The following ZFYVE21 variants were observed in gnomAD, a reference collection of about 807,000 sequenced individuals.
The protein encoded by ZFYVE21 is zinc finger FYVE-type containing 21.
In ZFYVE21, 21 loss-of-function variants were observed where a neutral mutation model predicts 29.5. The ratio of observed to expected loss-of-function variants is 0.71; its 90% confidence interval spans 0.50 to 1.02. The LOEUF is 1.02. Ranked by LOEUF, ZFYVE21 falls within the 50% of genes least tolerant of loss-of-function variation. ZFYVE21 has a pLI of 0.00. For synonymous variants in ZFYVE21, 151 were observed against 133.8 expected (o/e 1.13, Z -0.89); for missense variants, 326 against 335.4 (o/e 0.97, Z 0.22).
Position 103,716,302 on chromosome 14 carries a change from C to T in ZFYVE21, c.138+323C>T, listed in dbSNP as rs1418192866. ...GGGGTGGGTGCGGCCCTGCCCGAGGCCGGTTCGTGCTGGGCTAGCGCGTGT... is the reference window on the plus strand; with the variant it reads ...GGGGTGGGTGCGGCCCTGCCCGAGGTCGGTTCGTGCTGGGCTAGCGCGTGT... On this transcript the variant is annotated intron_variant, in intron 1 of 6. Transcript: ENST00000311141. The surrounding 1 kb of genome is among the most constrained non-coding windows in gnomAD (Gnocchi z 4.8). Among the ~76,000 whole-genome samples the T allele has an allele frequency of 1.3e-5, 2 of 152,156 alleles. No individual in the cohort carries two copies. Among genetic ancestry groups the T allele is most frequent in the African/African-American group, 4.8e-5 (2 of 41,452 alleles).
At chr14:103,722,880 G>A (rs2083885557) in intron 1 of ZFYVE21, among the ~76,000 whole-genome samples, 2 of 151,998 alleles carry the variant, frequency 1.3e-5, no homozygotes, top group Non-Finnish European at 2.9e-5. Flanking sequence ...AAACTCTTGG[G>A]CTCAAGTGAT....
intron 1 of ZFYVE21, among the ~76,000 whole-genome samples, chr14:103,717,012 C>T (rs369474369): frequency 6.6e-6 from 1 of 152,214 alleles, no homozygotes. Flanking sequence ...GACGTTGGAA[C>T]TAGGTTCAAG....
intron 4 of ZFYVE21, 44 bp from the exon 5 acceptor site, chr14:103,729,043 GCACT>G (rs1209395788): frequency 8.1e-6 from 13 of 1,613,250 alleles, no homozygotes; most frequent in Non-Finnish European, 1.1e-5. Flanking sequence ...AGCCTCGGTG[GCACT>G]GAGCCTGAGA....
chr14:103,727,591 C>T (rs1421653749), intron 2 of ZFYVE21, 155 bp from the exon 3 acceptor site: 2 of 944,020 alleles, frequency 2.1e-6, no homozygotes, highest in African/African-American at 3.3e-5. Context: ...GGTGGGGAGC[C>T]CAGGGGCTGG....
chr14:103,721,438 G>A (rs1326748949), intron 1 of ZFYVE21, among the ~76,000 whole-genome samples: 1 of 152,240 alleles, frequency 6.6e-6, no homozygotes, highest in African/African-American at 2.4e-5. Flanking sequence ...CCTGTGATTG[G>A]CCCTGCAAGG....
At position 103,716,345 on chromosome 14, in the gene ZFYVE21, C is replaced by T. The variant is rs1439195366; in HGVS notation, c.138+366C>T. ...GCGCGTGTGGACTGCGTCCCGAGAG[C>T]TGGGGCTCGCTCCCGAGAAAGTGGA... On this transcript the variant is annotated intron_variant, in intron 1 of 6. Coordinates refer to ENST00000311141, the MANE Select transcript of ZFYVE21 (RefSeq NM_024071.4). This position sits in a 1 kb window ranked among gnomAD's most constrained non-coding sequence, Gnocchi z 4.8. Among the ~76,000 whole-genome samples the T allele has an allele frequency of 6.6e-6, 1 of 152,172 alleles. No individual in the cohort carries two copies. The highest frequency in any genetic ancestry group is 2.4e-5 in the African/African-American group (1 of 41,458).
intron 2 of ZFYVE21, chr14:103,727,356 A>ACCTGCCCCCCCCCCCC: frequency 2.7e-6 from 1 of 376,692 alleles, no homozygotes; most frequent in South Asian, 2.0e-5. Flanking sequence ...CTGTGCACCC[A>ACCTGCCCCCCCCCCCC]CCTGCCCCCC....
At chr14:103,728,238 G>A (rs2083946691) in intron 3 of ZFYVE21, 2 of 308,052 alleles carry the variant, frequency 6.5e-6, no homozygotes, top group Admixed American at 9.6e-5. Context: ...TGCAACCACT[G>A]TGGCTCCTCG....
At chr14:103,729,942 G>C in intron 5 of ZFYVE21, 1 of 1,370,312 alleles carries the variant, frequency 7.3e-7, no homozygotes, top group Non-Finnish European at 9.8e-7. Flanking sequence ...TCCATGCCAA[G>C]GTTCTTTGTG....
In ZFYVE21 at chr14:103,733,242, C is replaced by T; in HGVS notation, c.*224C>T. 1 of 591,422 alleles carries T rather than the reference C, an allele frequency of 1.7e-6. No individual in the cohort carries two copies. Among genetic ancestry groups the T allele is most frequent in the Non-Finnish European group, 2.9e-6 (1 of 341,284 alleles). 36.6% of individuals were successfully genotyped at this position (591,422 alleles called of 1,614,324 possible). On this transcript the variant is annotated 3_prime_UTR_variant, in exon 7 of 7. Coordinates refer to ENST00000311141, the MANE Select transcript of ZFYVE21 (RefSeq NM_024071.4). ...TCATGTTTTAGAATTTGTGTATTGTCAATACTTAATTGGGGGTGGGAGAGA... is the reference window on the plus strand; with the variant it reads ...TCATGTTTTAGAATTTGTGTATTGTTAATACTTAATTGGGGGTGGGAGAGA...
chr14:103,728,126 G>C, intron 3 of ZFYVE21: 1 of 529,708 alleles, frequency 1.9e-6, no homozygotes, highest in South Asian at 2.6e-5. Flanking sequence ...TGTTGGTGCT[G>C]ACTCCGCTGG....
In ZFYVE21 at chr14:103,732,741, G is replaced by GT; in HGVS notation, c.649dup (p.Trp217LeufsTer14). ...CTGTGGGCAGGAGGCAGGCGGTGGC[G>GT]TGGCTAGTGGCCATGCACAAGGTAC... is the stretch of plus-strand genomic sequence containing the variant. On this transcript the variant is annotated frameshift_variant, in exon 6 of 7. Coordinates refer to ENST00000311141, the MANE Select transcript of ZFYVE21 (RefSeq NM_024071.4). LOFTEE classifies it high-confidence loss of function. 1 of 1,612,572 alleles carries GT rather than the reference G, an allele frequency of 6.2e-7. No individual in the cohort carries two copies. The highest frequency in any genetic ancestry group is 8.5e-7 in the Non-Finnish European group (1 of 1,179,534).
chr14:103,727,135 G>T, intron 2 of ZFYVE21: 1 of 377,606 alleles, frequency 2.6e-6, no homozygotes, highest in South Asian at 2.4e-5. Flanking sequence ...TAGTAGAGAT[G>T]GGGTTTCACC....
chr14:103,721,963 TCA>T (rs955234427), intron 1 of ZFYVE21, among the ~76,000 whole-genome samples: 6 of 152,218 alleles, frequency 3.9e-5, no homozygotes, highest in African/African-American at 1.4e-4. Flanking sequence ...AACGGATGAA[TCA>T]CACTTGGTTT....
intron 1 of ZFYVE21, chr14:103,725,930 T>G (rs1354262773): frequency 6.6e-6 from 1 of 152,356 alleles, no homozygotes; most frequent in Non-Finnish European, 1.5e-5. Flanking sequence ...AGTTCCCAGG[T>G]CTTGTGCTGT....
rs1198653968 is a variant in ZFYVE21 at position 103,715,884 on chromosome 14, G to T, written c.43G>T (p.Val15Leu). 1 of 1,436,758 alleles carries T rather than the reference G, an allele frequency of 7.0e-7. No individual in the cohort carries two copies. Among genetic ancestry groups the T allele is most frequent in the South Asian group, 1.3e-5 (1 of 76,160 alleles). The allele number at this position is 1,436,758 out of a possible 1,614,324, so 89.0% of individuals were successfully genotyped here. A position where few individuals can be genotyped will look rare whatever the true frequency, so the allele number is the denominator to read the frequency against. ...CGCGCGCCGCGACGCCAAGAAGCTG[G>T]TGCGCTCCCCGAGCGGCCTGCGCAT... The part of the protein sequence containing the change: ...VSARRDAKKL[V>L]RSPSGLRMVP... Residue 15 changes from valine to leucine, a missense_variant, in exon 1 of 7, where the codon GTG becomes TTG. Val to Leu is a conservative substitution (Grantham distance 32). Coordinates refer to ENST00000311141, the MANE Select transcript of ZFYVE21 (RefSeq NM_024071.4).
rs144586627 is a variant in ZFYVE21, at chr14:103,718,599, AGAT to A, written c.138+2624_138+2626del. ...GCTTTGGGGGTGTGAAGGAAGCTTC[AGAT>A]GATCTCTGGGGCTTGTCTGACTCTG... On this transcript the variant is annotated intron_variant, in intron 1 of 6. Transcript: ENST00000311141. Among the ~76,000 whole-genome samples, 365 of 152,316 alleles carry A rather than the reference AGAT, an allele frequency of 2.4e-3. 2 individuals are homozygous for A. The highest frequency in any genetic ancestry group is 8.4e-3 in the African/African-American group (350 of 41,568).
intron 1 of ZFYVE21, among the ~76,000 whole-genome samples, chr14:103,719,291 A>G (rs550664963): frequency 2.2e-4 from 34 of 152,066 alleles, no homozygotes; most frequent in South Asian, 6.2e-4. Flanking sequence ...ATAAATAAAT[A>G]AATAATAAAA....
intron 1 of ZFYVE21, among the ~76,000 whole-genome samples, chr14:103,722,687 C>T (rs536310691): frequency 1.3e-5 from 2 of 151,952 alleles, no homozygotes; most frequent in South Asian, 4.2e-4. Flanking sequence ...GGCGTGGTGG[C>T]GGGCACCTGT....
Sources: allele counts gnomAD v4.1 joint callset (sites outside exome capture counted in the v4.1 genomes callset), GRCh38; gene constraint gnomAD v4.1.1; non-coding constraint Gnocchi (gnomAD v3.1); transcripts MANE v1.5; gene names NCBI Gene and HGNC (gene_info 2026-07-23, HGNC 2026-07-21).